ASAH2B: variants seen among roughly 807,000 people sequenced by gnomAD.
The protein encoded by ASAH2B is N-acylsphingosine amidohydrolase 2B.
In ASAH2B, 1 loss-of-function variant was observed where a neutral mutation model predicts 2.9. The observed-to-expected ratio is 0.34, with a 90% confidence interval of 0.12 to 1.63. ASAH2B has a LOEUF of 1.63. Among genes scored for constraint, ASAH2B ranks in the 40% most tolerant of loss-of-function variants. ASAH2B has a pLI of 0.36. For missense variants in ASAH2B, 9 were observed against 37.7 expected (o/e 0.24, Z 1.99); for synonymous variants, 4 against 13.3 (o/e 0.30, Z 1.52).
chr10:50,744,491 T>G (rs566582733), intron 2 of ASAH2B, among the ~76,000 whole-genome samples: 1 of 151,760 alleles, frequency 6.6e-6, no homozygotes, highest in Non-Finnish European at 1.5e-5. Flanking sequence ...GCATTAAATA[T>G]TCATTGAAAT....
Position 50,743,124 on chromosome 10 carries a change from A to T in ASAH2B, c.-4+114A>T, listed in dbSNP as rs1839857833. 3 of 1,086,194 alleles carry T rather than the reference A, an allele frequency of 2.8e-6. No homozygotes were observed. The Admixed American group carries it at 5.3e-5, about 19-fold the overall frequency. 67.3% of individuals were successfully genotyped at this position (1,086,194 alleles called of 1,614,324 possible). A position where few individuals can be genotyped will look rare whatever the true frequency, so the allele number is the denominator to read the frequency against. ...AAGAGAACCTTAGCTTCGAGTGTTC[A>T]GTTTGACAACCTTTATATTTTACAA... On this transcript the variant is annotated intron_variant, in intron 2 of 5. Transcript: ENST00000647317.
At chr10:50,747,046 TA>T (rs1293980832) in intron 3 of ASAH2B, among the ~76,000 whole-genome samples, 1 of 150,572 alleles carries the variant, frequency 6.6e-6, no homozygotes, top group Non-Finnish European at 1.5e-5. Context: ...GCTTTTGCAT[TA>T]GGGGTCATAT....
In ASAH2B at chr10:50,740,369, A is replaced by T. The variant is rs10994249; in HGVS notation, c.-100+386A>T. On this transcript the variant is annotated intron_variant, in intron 1 of 5. Coordinates refer to ENST00000647317, the MANE Select transcript of ASAH2B (RefSeq NM_001321958.2). ...GTAGAGAAGCAACATAACCTCGGAA[A>T]TCCCACAGCTATTCAGTTTCAAAGC... Among the ~76,000 whole-genome samples the T allele has an allele frequency of 6.6e-4, 100 of 152,060 alleles. No individual in the cohort carries two copies. The East Asian group carries it at 0.017, about 26-fold the overall frequency.
intron 1 of ASAH2B, among the ~76,000 whole-genome samples, chr10:50,740,853 C>T (rs1839819780): frequency 6.6e-6 from 1 of 152,164 alleles, no homozygotes; most frequent in Non-Finnish European, 1.5e-5. Flanking sequence ...TCCATGGGGT[C>T]TCCAGGCATC....
intron 4 of ASAH2B, among the ~76,000 whole-genome samples, chr10:50,749,636 A>G (rs903631054): frequency 2.6e-5 from 4 of 151,848 alleles, no homozygotes; most frequent in African/African-American, 7.3e-5. Flanking sequence ...AGCATAATGC[A>G]TGTATGACTG....
intron 1 of ASAH2B, among the ~76,000 whole-genome samples, chr10:50,741,192 A>G (rs1459099555): frequency 6.6e-6 from 1 of 152,232 alleles, no homozygotes; most frequent in Admixed American, 6.5e-5. Flanking sequence ...TTCCAGGCTT[A>G]AGGGTGGGGC....
intron 3 of ASAH2B, among the ~76,000 whole-genome samples, chr10:50,746,032 C>A (rs61857133): frequency 0.72 from 109,413 of 150,928 alleles, 43,062 homozygotes; most frequent in East Asian, 0.97. Flanking sequence ...TTTTAAAACA[C>A]AATATGTTGT....
rs1478154680 is a variant in ASAH2B at position 50,757,126 on chromosome 10, T to C, written c.*2386T>C. 1 of 151,452 alleles carries C rather than the reference T, an allele frequency of 6.6e-6. No homozygotes were observed. The allele number at this position is 151,452 out of a possible 1,614,324, so 9.4% of individuals were successfully genotyped here. A position where few individuals can be genotyped will look rare whatever the true frequency, so the allele number is the denominator to read the frequency against. ...CGGGTCTAGATTTTTTGATGAGTAC[T>C]GTGTAAAATTGTCAATATTCAATGG... On this transcript the variant is annotated 3_prime_UTR_variant, in exon 6 of 6. Coordinates refer to ENST00000647317, the MANE Select transcript of ASAH2B (RefSeq NM_001321958.2).
Position 50,756,242 on chromosome 10 carries a change from C to T in ASAH2B, c.*1502C>T, listed in dbSNP as rs530994864. On this transcript the variant is annotated 3_prime_UTR_variant, in exon 6 of 6. Coordinates refer to ENST00000647317, the MANE Select transcript of ASAH2B (RefSeq NM_001321958.2). Reference sequence around the variant, plus strand: ...ACAATATTCATAATGGTAGTATTAACATCTATTATGTATAACTTAATCTCA... The same window carrying T: ...ACAATATTCATAATGGTAGTATTAATATCTATTATGTATAACTTAATCTCA... 6.6e-5 allele frequency: 10 copies of T among 151,250 alleles called. No individual in the cohort carries two copies. Among genetic ancestry groups the T allele is most frequent in the Non-Finnish European group, 1.2e-4 (8 of 67,540 alleles). 9.4% of individuals were successfully genotyped at this position (151,250 alleles called of 1,614,324 possible). A position where few individuals can be genotyped will look rare whatever the true frequency, so the allele number is the denominator to read the frequency against.
intron 3 of ASAH2B, among the ~76,000 whole-genome samples, chr10:50,748,170 A>G (rs1839935002): frequency 7.4e-6 from 1 of 135,348 alleles, no homozygotes; most frequent in East Asian, 2.2e-4. Flanking sequence ...CTCATTTCAT[A>G]TAAGTTGTTT....
rs1226679597 is a variant in ASAH2B, at chr10:50,755,396, C to T, written c.*656C>T. On this transcript the variant is annotated 3_prime_UTR_variant, in exon 6 of 6. Transcript: ENST00000647317. Reference sequence around the variant, plus strand: ...GCCTAGTTCAGAGCCGCTGTGGATGCTCAAATCATTTCTGGAATTGCCTTC... The same window carrying T: ...GCCTAGTTCAGAGCCGCTGTGGATGTTCAAATCATTTCTGGAATTGCCTTC... 1 of 103,322 alleles carries T rather than the reference C, an allele frequency of 9.7e-6. No individual in the cohort carries two copies. Among genetic ancestry groups the T allele is most frequent in the African/African-American group, 2.8e-5 (1 of 36,268 alleles). The allele number at this position is 103,322 out of a possible 1,614,324, so 6.4% of individuals were successfully genotyped here.
At chr10:50,751,397 AAAGATTGTC>A (rs1455613918) in intron 4 of ASAH2B, among the ~76,000 whole-genome samples, 1 of 151,162 alleles carries the variant, frequency 6.6e-6, no homozygotes, top group African/African-American at 2.4e-5. Context: ...GCAGTTGGGA[AAAGATTGTC>A]ATATGTTTTA....
intron 1 of ASAH2B, among the ~76,000 whole-genome samples, chr10:50,742,392 G>T (rs1485232784): frequency 6.6e-6 from 1 of 152,190 alleles, no homozygotes; most frequent in African/African-American, 2.4e-5. Flanking sequence ...GTCTGAAGTG[G>T]TGAGGTTGGT....
At chr10:50,740,348 A>G (rs1839810062) in intron 1 of ASAH2B, among the ~76,000 whole-genome samples, 1 of 152,124 alleles carries the variant, frequency 6.6e-6, no homozygotes, top group African/African-American at 2.4e-5. Flanking sequence ...AATATAGTAG[A>G]GAAGCAACAT....
intron 3 of ASAH2B, among the ~76,000 whole-genome samples, chr10:50,746,036 ATGT>A (rs1223491904): frequency 6.6e-6 from 1 of 151,340 alleles, no homozygotes; most frequent in Non-Finnish European, 1.5e-5. Flanking sequence ...AAAACACAAT[ATGT>A]TGTTTTTAAC....
chr10:50,744,334 C>G (rs1332129930), intron 2 of ASAH2B, among the ~76,000 whole-genome samples: 1 of 151,280 alleles, frequency 6.6e-6, no homozygotes, highest in Non-Finnish European at 1.5e-5. Context: ...TGGTCAAGCA[C>G]CTTAAAACTA....
Position 50,756,845 on chromosome 10 carries a change from T to A in ASAH2B, c.*2105T>A, listed in dbSNP as rs573867634. ...GAATATCATGAAGTAATTGAACTTA[T>A]CTGTTGATATAAAAACACAGATCCA... is the stretch of plus-strand genomic sequence containing the variant. On this transcript the variant is annotated 3_prime_UTR_variant, in exon 6 of 6. Transcript: ENST00000647317. 27 of 151,840 alleles carry A rather than the reference T, an allele frequency of 1.8e-4. No homozygotes were observed. Among genetic ancestry groups the A allele is most frequent in the Non-Finnish European group, 1.5e-5 (1 of 67,740 alleles). 9.4% of individuals were successfully genotyped at this position (151,840 alleles called of 1,614,324 possible).
chr10:50,745,661 TG>T (rs1002520215), intron 3 of ASAH2B, among the ~76,000 whole-genome samples: 22 of 149,580 alleles, frequency 1.5e-4, no homozygotes, highest in African/African-American at 5.5e-4. Flanking sequence ...ACAGTTTTTC[TG>T]GGGGGAGGAG....
intron 1 of ASAH2B, among the ~76,000 whole-genome samples, chr10:50,742,060 C>T (rs1489867847): frequency 6.6e-6 from 1 of 152,080 alleles, no homozygotes; most frequent in African/African-American, 2.4e-5. Flanking sequence ...TCTGTATAAC[C>T]AACCCTCATG....
Sources: allele counts gnomAD v4.1 joint callset (sites outside exome capture counted in the v4.1 genomes callset), GRCh38; gene constraint gnomAD v4.1.1; transcripts MANE v1.5; gene names NCBI Gene and HGNC (gene_info 2026-07-23, HGNC 2026-07-21).